ZNF354C: variants seen among roughly 807,000 people sequenced by gnomAD.
The protein encoded by ZNF354C is KRAB-zinc finger protein synten.
Under a neutral mutation model 12.4 loss-of-function variants are expected in ZNF354C, and 7 were observed. The ratio of observed to expected loss-of-function variants is 0.56; its 90% CI spans 0.32 to 1.06. The LOEUF (loss-of-function observed/expected upper bound fraction) is 1.06. Among genes scored for constraint, ZNF354C ranks in the 50% least tolerant of loss-of-function variants. The pLI is 0.04. For missense variants in ZNF354C, 609 were observed against 658.0 expected (o/e 0.93, Z 0.81); for synonymous variants, 202 against 224.5 (o/e 0.90, Z 0.90).
rs1393300348 is a variant in ZNF354C, at chr5:179,073,883, C to T, written c.28-2562C>T. Among the ~76,000 whole-genome samples, 6 of 150,062 alleles carry T rather than the reference C, an allele frequency of 4.0e-5. No individual in the cohort carries two copies. The East Asian group carries it at 1.0e-3, about 25-fold the overall frequency. Reference sequence around the variant, plus strand: ...TGTTGCCCAGGCTGGTCTTGAACTGCTGAGCTCAGGCAGTCCACCCACCTT... The same window carrying T: ...TGTTGCCCAGGCTGGTCTTGAACTGTTGAGCTCAGGCAGTCCACCCACCTT... On this transcript the variant is annotated intron_variant, in intron 2 of 4. Transcript: ENST00000315475.
In ZNF354C at chr5:179,082,830, G is replaced by A. The variant is rs1211423424; in HGVS notation, c.*2733G>A. On this transcript the variant is annotated 3_prime_UTR_variant, in exon 5 of 5. Transcript: ENST00000315475. ...ACTGACCAACCGATCAGGTCGAGGA[G>A]CTGCAACAGCCTTGGGGCCCTCACA... The A allele has an allele frequency of 3.9e-6, 5 of 1,288,636 alleles. No homozygotes were observed. Among genetic ancestry groups the A allele is most frequent in the South Asian group, 2.4e-5 (2 of 84,308 alleles). The allele number at this position is 1,288,636 out of a possible 1,614,324, so 79.8% of individuals were successfully genotyped here. A position where few individuals can be genotyped will look rare whatever the true frequency, so the allele number is the denominator to read the frequency against.
At chr5:179,071,560 G>A (rs1401640272) in intron 2 of ZNF354C, among the ~76,000 whole-genome samples, 1 of 152,064 alleles carries the variant, frequency 6.6e-6, no homozygotes, top group Non-Finnish European at 1.5e-5. Flanking sequence ...AGACACCTGT[G>A]TATATTTGGA....
Position 179,082,476 on chromosome 5 carries a change from A to ATTT in ZNF354C, c.*2380_*2381insTTT. 1.8e-6 allele frequency: 1 copy of ATTT among 546,666 alleles called. No individual in the cohort carries two copies. Among genetic ancestry groups the ATTT allele is most frequent in the Admixed American group, 3.2e-5 (1 of 31,554 alleles). The allele number at this position is 546,666 out of a possible 1,614,324, so 33.9% of individuals were successfully genotyped here. ...ATAGGACAACTGGACTTTTTTTTAT[A>ATTT]TATTTATTTTAAAATGGTTTTCTTA... On this transcript the variant is annotated 3_prime_UTR_variant, in exon 5 of 5. Coordinates refer to ENST00000315475, the MANE Select transcript of ZNF354C (RefSeq NM_014594.3).
In ZNF354C at chr5:179,082,806, C is replaced by T. The variant is rs879226960; in HGVS notation, c.*2709C>T. On this transcript the variant is annotated 3_prime_UTR_variant, in exon 5 of 5. Coordinates refer to ENST00000315475, the MANE Select transcript of ZNF354C (RefSeq NM_014594.3). ...ATCCAGGGTGATGTTCTTCAAGCGA[C>T]TGACCAACCGATCAGGTCGAGGAGC... is the stretch of plus-strand genomic sequence containing the variant. 1.6e-5 allele frequency: 21 copies of T among 1,341,608 alleles called. No individual in the cohort carries two copies. The highest frequency in any genetic ancestry group is 2.3e-5 in the East Asian group (1 of 43,412). 83.1% of individuals were successfully genotyped at this position (1,341,608 alleles called of 1,614,324 possible). A position where few individuals can be genotyped will look rare whatever the true frequency, so the allele number is the denominator to read the frequency against.
chr5:179,068,738 T>G (rs562604789), intron 2 of ZNF354C, among the ~76,000 whole-genome samples: 58 of 152,246 alleles, frequency 3.8e-4, no homozygotes, highest in African/African-American at 1.3e-3. Context: ...GGAGCCTGTA[T>G]TAGTGTGCCA....
chr5:179,083,168 A>G lies in ZNF354C; in HGVS notation c.*3071A>G. 2.4e-6 allele frequency: 1 copy of G among 416,554 alleles called. No homozygotes were observed. The allele number at this position is 416,554 out of a possible 1,614,324, so 25.8% of individuals were successfully genotyped here. ...CTAGATTAAGACAAGAGACATAACCAAATGGAAAGTGTGATCCTTTATTAG... is the reference window on the plus strand; with the variant it reads ...CTAGATTAAGACAAGAGACATAACCGAATGGAAAGTGTGATCCTTTATTAG... On this transcript the variant is annotated 3_prime_UTR_variant, in exon 5 of 5. Transcript: ENST00000315475.
In ZNF354C at chr5:179,083,775, G is replaced by A. The variant is rs1412436211; in HGVS notation, c.*3678G>A. ...TGATTGATAACAACAGGCAGATTTG[G>A]GAAGGAAACTAGAATTTGAAACAAG... On this transcript the variant is annotated 3_prime_UTR_variant, in exon 5 of 5. Coordinates refer to ENST00000315475, the MANE Select transcript of ZNF354C (RefSeq NM_014594.3). 6.6e-6 allele frequency among the ~76,000 whole-genome samples: 1 copy of A among 152,172 alleles called. No homozygotes were observed. The highest frequency in any genetic ancestry group is 1.5e-5 in the Non-Finnish European group (1 of 68,024).
chr5:179,075,233 TG>T (rs1177149626), intron 2 of ZNF354C, among the ~76,000 whole-genome samples: 2 of 149,722 alleles, frequency 1.3e-5, no homozygotes, highest in Admixed American at 1.3e-4. Context: ...CACTCTAGCC[TG>T]GGCGACAGAG....
chr5:179,079,566 T>A lies in ZNF354C; in HGVS notation c.1134T>A (p.His378Gln), dbSNP rs756840589. ...CTCTAGCTGAACATCAGAGGTTTCA[T>A]ACTGGAGAACAACTGTATACATGCT... is the stretch of plus-strand genomic sequence containing the variant. ...FTSLAEHQRF[H>Q]TGEQLYTCLE... Residue 378 changes from histidine (H) to glutamine (Q), a missense_variant, in exon 5 of 5, where the codon CAT (histidine) becomes CAA (glutamine). His to Gln is a conservative substitution (Grantham distance 24, BLOSUM62 0). Transcript: ENST00000315475. The surrounding 1 kb of genome is among the most constrained non-coding windows in gnomAD (Gnocchi z 4.2). 3.1e-6 allele frequency: 5 copies of A among 1,614,058 alleles called. No individual in the cohort carries two copies. The African/African-American group carries it at 6.7e-5, about 22-fold the overall frequency.
chr5:179,077,178 G>T lies in ZNF354C; in HGVS notation c.250+12G>T. 3 of 1,609,198 alleles carry T rather than the reference G, an allele frequency of 1.9e-6. No homozygotes were observed. Among genetic ancestry groups the T allele is most frequent in the Non-Finnish European group, 2.6e-6 (3 of 1,175,516 alleles). ...AGATACCCGTCTAGGTAAGTGAGAG[G>T]CTGGGAAATGGGCACAAGGGGTTCT... On this transcript the variant is annotated intron_variant, in intron 4 of 4. Coordinates refer to ENST00000315475, the MANE Select transcript of ZNF354C (RefSeq NM_014594.3).
chr5:179,064,562 G>A (rs928718695), intron 2 of ZNF354C, among the ~76,000 whole-genome samples: 24 of 151,152 alleles, frequency 1.6e-4, no homozygotes, highest in African/African-American at 4.1e-4. Context: ...GACTACAGGC[G>A]CCCACCACCA....
chr5:179,075,239 A>G (rs1660002051), intron 2 of ZNF354C, among the ~76,000 whole-genome samples: 1 of 150,462 alleles, frequency 6.6e-6, no homozygotes, highest in African/African-American at 2.5e-5. Context: ...AGCCTGGGCG[A>G]CAGAGTGAGA....
chr5:179,078,597 A>T (rs911063407), intron 4 of ZNF354C, 86 bp from the exon 5 acceptor site: 9 of 1,022,572 alleles, frequency 8.8e-6, no homozygotes, highest in Non-Finnish European at 1.3e-5. Context: ...TCTTTCATAT[A>T]TACTGTTACC....
chr5:179,083,096 C>A lies in ZNF354C; in HGVS notation c.*2999C>A, dbSNP rs111751415. ...ATAGTTTGTGCATTTTGGCCCTGGTCTGGACTTTTCAAAAAGCAAATGTAG... is the reference window on the plus strand; with the variant it reads ...ATAGTTTGTGCATTTTGGCCCTGGTATGGACTTTTCAAAAAGCAAATGTAG... On this transcript the variant is annotated 3_prime_UTR_variant, in exon 5 of 5. Coordinates refer to ENST00000315475, the MANE Select transcript of ZNF354C (RefSeq NM_014594.3). The A allele has an allele frequency of 2.8e-3, 1,775 of 630,432 alleles. 3 individuals are homozygous for A. Among genetic ancestry groups the A allele is most frequent in the Non-Finnish European group, 3.9e-3 (1,409 of 364,304 alleles). The allele number at this position is 630,432 out of a possible 1,614,324, so 39.1% of individuals were successfully genotyped here. A position where few individuals can be genotyped will look rare whatever the true frequency, so the allele number is the denominator to read the frequency against.
intron 2 of ZNF354C, among the ~76,000 whole-genome samples, chr5:179,066,932 C>T (rs1017208031): frequency 9.9e-5 from 15 of 152,178 alleles, no homozygotes; most frequent in Non-Finnish European, 4.4e-5. Flanking sequence ...TTTGGATATT[C>T]ACTCTGCTCT....
chr5:179,062,598 T>C (rs115548821), intron 2 of ZNF354C, among the ~76,000 whole-genome samples: 1,817 of 152,288 alleles, frequency 0.012, 51 homozygotes, highest in African/African-American at 0.041. Flanking sequence ...AGGGGAAATA[T>C]CCCAGAAGTG....
chr5:179,072,294 A>T (rs1172000327), intron 2 of ZNF354C, among the ~76,000 whole-genome samples: 1 of 83,884 alleles, frequency 1.2e-5, no homozygotes, highest in South Asian at 5.5e-4. Flanking sequence ...CTGAAATTGT[A>T]AAAAAAAAAA....
rs962619463 is a variant in ZNF354C at position 179,069,758 on chromosome 5, C to G, written c.28-6687C>G. On this transcript the variant is annotated intron_variant, in intron 2 of 4. Coordinates refer to ENST00000315475, the MANE Select transcript of ZNF354C (RefSeq NM_014594.3). ...GCGGGCGCCTGTAGTCCCAGCTACT[C>G]GGGAGGCTGAGGCAGGAGAATGGTG... Among the ~76,000 whole-genome samples, 5 of 151,272 alleles carry G rather than the reference C, an allele frequency of 3.3e-5. No homozygotes were observed. In the East Asian group the frequency reaches 7.9e-4, roughly 24 times the overall value.
intron 2 of ZNF354C, 60 bp from the exon 3 acceptor site, chr5:179,076,384 TC>T (rs1264867313): frequency 6.2e-7 from 1 of 1,608,554 alleles, no homozygotes; most frequent in African/African-American, 1.3e-5. Flanking sequence ...GTCACTTTCT[TC>T]CTGCATTTTC....
Sources: gnomAD v4.1 joint callset for allele counts (sites outside exome capture counted in the v4.1 genomes callset) on GRCh38, gnomAD v4.1.1 for gene constraint, Gnocchi (gnomAD v3.1) non-coding constraint, MANE v1.5 for transcripts, NCBI Gene and HGNC (gene_info 2026-07-23, HGNC 2026-07-21) for gene names.